Variants in ANO4 observed in about 807,000 individuals in gnomAD.
ANO4 encodes the protein anoctamin-4.
Under a neutral mutation model 141.9 loss-of-function variants are expected in ANO4, and 69 were observed. The ratio of observed to expected loss-of-function variants is 0.49; its 90% CI spans 0.40 to 0.59. ANO4 has a LOEUF of 0.59. ANO4 is among the 20% of genes least tolerant of loss of function. ANO4 has a pLI of 0.00. For missense variants in ANO4, 894 were observed against 1,162.2 expected, an observed-to-expected ratio of 0.77 and a Z score of 3.36; for synonymous variants, 350 against 394.3, an observed-to-expected ratio of 0.89 and a Z score of 1.33.
At chr12:100,787,038 GA>G (rs1458463629) in intron 3 of ANO4, among the ~76,000 whole-genome samples, 1 of 152,168 alleles carries the variant, frequency 6.6e-6, no homozygotes. Flanking sequence ...GACACACAGA[GA>G]CATCCAGTCT....
intron 14 of ANO4, among the ~76,000 whole-genome samples, chr12:101,066,567 A>G (rs1416386824): frequency 6.6e-6 from 1 of 152,236 alleles, no homozygotes; most frequent in Non-Finnish European, 1.5e-5. Flanking sequence ...AGATCTCCAC[A>G]ATGAAAACTA....
At chr12:100,750,936 G>GGT (rs143409727) in intron 3 of ANO4, among the ~76,000 whole-genome samples, 9 of 151,976 alleles carry the variant, frequency 5.9e-5, no homozygotes, top group Admixed American at 1.3e-4. Flanking sequence ...CCGTATGTAT[G>GGT]GTGTGTGTGT....
chr12:100,890,724 C>T (rs921054833), intron 1 of ANO4, among the ~76,000 whole-genome samples: 1 of 152,070 alleles, frequency 6.6e-6, no homozygotes, highest in Non-Finnish European at 1.5e-5. Flanking sequence ...TGTGCATAGC[C>T]TCCTCTATTA....
chr12:101,017,408 G>C (rs758961611), intron 8 of ANO4, among the ~76,000 whole-genome samples: 4 of 152,212 alleles, frequency 2.6e-5, no homozygotes, highest in Non-Finnish European at 5.9e-5. Context: ...CAAGAAGAGT[G>C]TGGGGACACA....
At chr12:100,962,229 C>T (rs1486490989) in intron 5 of ANO4, among the ~76,000 whole-genome samples, 1 of 152,132 alleles carries the variant, frequency 6.6e-6, no homozygotes, top group African/African-American at 2.4e-5. Context: ...TGTGAGAAAG[C>T]TACTCGAAGT....
Position 100,926,070 on chromosome 12 carries a change from A to G in ANO4, c.160+3740A>G, listed in dbSNP as rs570035767. Among the ~76,000 whole-genome samples, 3 of 152,222 alleles carry G rather than the reference A, an allele frequency of 2.0e-5. No homozygotes were observed. In the South Asian group the frequency reaches 6.2e-4, roughly 32 times the overall value. ...AAACTGAATATAGCTCCCCAAGGAT[A>G]TATGGTTACTATGTGATAGAGTCAA... On this transcript the variant is annotated intron_variant, in intron 3 of 27. Transcript: ENST00000392977.
chr12:100,998,954 C>G (rs930514046), intron 8 of ANO4, among the ~76,000 whole-genome samples: 1 of 152,226 alleles, frequency 6.6e-6, no homozygotes, highest in Non-Finnish European at 1.5e-5. Flanking sequence ...CGTCATTATC[C>G]CCATTTTTAC....
intron 8 of ANO4, among the ~76,000 whole-genome samples, chr12:101,006,700 G>A (rs531360986): frequency 3.8e-4 from 58 of 152,292 alleles, no homozygotes; most frequent in Middle Eastern, 3.4e-3. Context: ...GCAACTTGCA[G>A]GAGAGTAATT....
intron 3 of ANO4, among the ~76,000 whole-genome samples, chr12:100,761,878 A>G (rs1017134899): frequency 2.0e-5 from 3 of 152,166 alleles, no homozygotes; most frequent in South Asian, 2.1e-4. Context: ...CTGTTCTCTG[A>G]ATCTCTCCCC....
chr12:100,782,084 T>C (rs2135583066), intron 3 of ANO4, among the ~76,000 whole-genome samples: 1 of 152,338 alleles, frequency 6.6e-6, no homozygotes, highest in South Asian at 2.1e-4. Flanking sequence ...TTCTCTCCTT[T>C]CTCAAAAGCT....
intron 1 of ANO4, among the ~76,000 whole-genome samples, chr12:100,797,010 G>A (rs1338925088): frequency 6.6e-6 from 1 of 152,068 alleles, no homozygotes; most frequent in Admixed American, 6.5e-5. Context: ...ATTTTAATTA[G>A]TAGCAACTTT....
At chr12:101,058,988 G>A (rs1566188557) in intron 14 of ANO4, among the ~76,000 whole-genome samples, 1 of 152,186 alleles carries the variant, frequency 6.6e-6, no homozygotes, top group East Asian at 1.9e-4. Context: ...ATATGATATT[G>A]GCTGTGGGTT....
intron 8 of ANO4, among the ~76,000 whole-genome samples, chr12:101,001,850 A>G (rs559122032): frequency 6.6e-6 from 1 of 152,246 alleles, no homozygotes; most frequent in East Asian, 1.9e-4. Flanking sequence ...AGTTTATTCA[A>G]ATAACCACTA....
rs149096655 is a variant in ANO4 at position 100,822,865 on chromosome 12, G to C, written c.-141+27838G>C. ...TAGGATTCTCATGTTTCTCTTCCTTGACGTTGCAAAATTTGATATATTTCC... is the reference window on the plus strand; with the variant it reads ...TAGGATTCTCATGTTTCTCTTCCTTCACGTTGCAAAATTTGATATATTTCC... On this transcript the variant is annotated intron_variant, in intron 1 of 27. Coordinates refer to ENST00000392977, the MANE Select transcript of ANO4 (RefSeq NM_001286615.2). 2.3e-3 allele frequency among the ~76,000 whole-genome samples: 348 copies of C among 151,964 alleles called. 2 individuals are homozygous for C. Among genetic ancestry groups the C allele is most frequent in the African/African-American group, 7.9e-3 (327 of 41,486 alleles).
chr12:100,735,565 A>G (rs2031567950), intron 2 of ANO4, among the ~76,000 whole-genome samples: 1 of 152,146 alleles, frequency 6.6e-6, no homozygotes, highest in Non-Finnish European at 1.5e-5. Flanking sequence ...TAACAGAGTT[A>G]GTGGCTGTGA....
At chr12:100,775,159 A>G (rs1270190493) in intron 3 of ANO4, among the ~76,000 whole-genome samples, 6 of 152,232 alleles carry the variant, frequency 3.9e-5, no homozygotes, top group Non-Finnish European at 8.8e-5. Flanking sequence ...GCATTTAAAG[A>G]ACGCTTGTTT....
At chr12:101,112,994 C>A (rs1262585886) in intron 24 of ANO4, among the ~76,000 whole-genome samples, 2 of 152,236 alleles carry the variant, frequency 1.3e-5, no homozygotes, top group Non-Finnish European at 2.9e-5. Context: ...AAAAAGCTTA[C>A]TTTCACTCAA....
At chr12:101,031,533 G>A (rs2046975754) in intron 9 of ANO4, among the ~76,000 whole-genome samples, 1 of 152,168 alleles carries the variant, frequency 6.6e-6, no homozygotes, top group African/African-American at 2.4e-5. Flanking sequence ...AGACAAGGAT[G>A]CCCTCTCTCA....
chr12:100,797,160 G>C (rs2034385252), intron 1 of ANO4, among the ~76,000 whole-genome samples: 1 of 151,418 alleles, frequency 6.6e-6, no homozygotes, highest in African/African-American at 2.4e-5. Context: ...ACATATACAA[G>C]CGTGTACACA....
Sources: gnomAD v4.1 joint callset for allele counts (sites outside exome capture counted in the v4.1 genomes callset) on GRCh38, gnomAD v4.1.1 for gene constraint, MANE v1.5 for transcripts, NCBI Gene and HGNC (gene_info 2026-07-23, HGNC 2026-07-21) for gene names.